Variants in MACROD2 observed in about 807,000 individuals in gnomAD.
MACROD2 encodes the protein ADP-ribose glycohydrolase MACROD2.
MACROD2 carries 36 observed loss-of-function variants against 70.4 expected under a neutral mutation model. The ratio of observed to expected loss-of-function variants is 0.51; its 90% CI spans 0.39 to 0.68. MACROD2 has a LOEUF of 0.68. Ranked by LOEUF, MACROD2 falls within the 30% of genes least tolerant of loss-of-function variation. MACROD2 has a pLI of 0.00. For synonymous variants in MACROD2, 172 were observed against 178.8 expected (o/e 0.96, Z 0.30); for missense variants, 496 against 538.4 (o/e 0.92, Z 0.78).
intron 9 of MACROD2, among the ~76,000 whole-genome samples, chr20:15,869,210 C>CATATATATATATATATATATATATAT (rs778142501): frequency 9.6e-5 from 5 of 51,908 alleles, no homozygotes; most frequent in African/African-American, 1.2e-4. Flanking sequence ...ATGTGATTAA[C>CATATATATATATATATATATATATAT]ATATATATAT....
At chr20:14,925,486 G>A (rs2423850) in intron 5 of MACROD2, among the ~76,000 whole-genome samples, 77,472 of 151,914 alleles carry the variant, frequency 0.51, 20,202 homozygotes, top group South Asian at 0.71. Context: ...TTAAAAGGCT[G>A]TTACATGTTT....
intron 6 of MACROD2, among the ~76,000 whole-genome samples, chr20:15,253,651 C>G (rs894810443): frequency 6.6e-6 from 1 of 152,152 alleles, no homozygotes. Flanking sequence ...TGAGGCCATT[C>G]CTTCCGCTGG....
intron 5 of MACROD2, among the ~76,000 whole-genome samples, chr20:15,024,877 G>T (rs1029519747): frequency 6.6e-6 from 1 of 152,184 alleles, no homozygotes; most frequent in African/African-American, 2.4e-5. Context: ...CAAGGGAAAT[G>T]AGCCCCTGTC....
chr20:15,514,403 T>C (rs1383340984), intron 8 of MACROD2, among the ~76,000 whole-genome samples: 1 of 152,228 alleles, frequency 6.6e-6, no homozygotes, highest in Non-Finnish European at 1.5e-5. Context: ...ACCTTTTCCA[T>C]GTTCAGATAT....
At chr20:15,111,837 G>A (rs1335381778) in intron 5 of MACROD2, among the ~76,000 whole-genome samples, 1 of 152,218 alleles carries the variant, frequency 6.6e-6, no homozygotes, top group Non-Finnish European at 1.5e-5. Context: ...TAACTGGGAG[G>A]TGCCCAGCTC....
At position 15,937,501 on chromosome 20, in the gene MACROD2, C is replaced by T. The variant is rs199583911; in HGVS notation, c.864C>T (p.Pro288=). 3.0e-5 allele frequency: 49 copies of T among 1,613,236 alleles called. No individual in the cohort carries two copies. Among genetic ancestry groups the T allele is most frequent in the Middle Eastern group, 1.7e-4 (1 of 6,054 alleles). The change falls in exon 12 of 18, where the codon CCC becomes CCT. Residue 288 remains proline, a synonymous_variant. Transcript: ENST00000684519. ...ATGGTGTCAACACTGTCACTGTGCC[C>T]GGCCCTGCTTCAGAAGAGGCAGTTG... ...DADGVNTVTV[P]GPASEEAVED...
chr20:14,169,768 T>C (rs189404660), intron 3 of MACROD2, among the ~76,000 whole-genome samples: 27 of 152,316 alleles, frequency 1.8e-4, no homozygotes, highest in African/African-American at 6.5e-4. Flanking sequence ...AGTCATTGAA[T>C]ACATTGTTCC....
chr20:14,868,526 C>G (rs1008689144), intron 5 of MACROD2, among the ~76,000 whole-genome samples: 1 of 151,938 alleles, frequency 6.6e-6, no homozygotes, highest in Non-Finnish European at 1.5e-5. Context: ...TAAGAAAATC[C>G]TTGTTATTTT....
chr20:15,040,635 C>T (rs1291266838), intron 5 of MACROD2, among the ~76,000 whole-genome samples: 1 of 152,124 alleles, frequency 6.6e-6, no homozygotes, highest in African/African-American at 2.4e-5. Context: ...TTTGGATTGC[C>T]AATTCCCCAT....
In MACROD2 at chr20:14,880,241, C is replaced by T. The variant is rs146431987; in HGVS notation, c.418+195282C>T. Among the ~76,000 whole-genome samples the T allele has an allele frequency of 3.9e-4, 60 of 152,260 alleles. 1 individual carries two copies. Among genetic ancestry groups the T allele is most frequent in the African/African-American group, 1.1e-3 (44 of 41,562 alleles). On this transcript the variant is annotated intron_variant, in intron 5 of 17. Coordinates refer to ENST00000684519, the MANE Select transcript of MACROD2 (RefSeq NM_001351661.2). Reference sequence around the variant, plus strand: ...GTTTTGGGGAGAGGGAGCATGGGAGCTGGGTGCTTCACTGCCAACACAGCC... The same window carrying T: ...GTTTTGGGGAGAGGGAGCATGGGAGTTGGGTGCTTCACTGCCAACACAGCC...
chr20:14,278,321 G>C (rs1400493147), intron 3 of MACROD2, among the ~76,000 whole-genome samples: 3 of 152,020 alleles, frequency 2.0e-5, no homozygotes, highest in Non-Finnish European at 4.4e-5. Context: ...CACAGTCTTT[G>C]TTCACTTTGT....
intron 8 of MACROD2, among the ~76,000 whole-genome samples, chr20:15,631,711 T>C (rs777201849): frequency 1.6e-4 from 24 of 152,340 alleles, no homozygotes; most frequent in Admixed American, 7.8e-4. Flanking sequence ...TGGAAAAGGC[T>C]GTAGAGCACT....
chr20:15,492,605 A>G (rs972291575), intron 7 of MACROD2, among the ~76,000 whole-genome samples: 1 of 152,194 alleles, frequency 6.6e-6, no homozygotes, highest in Non-Finnish European at 1.5e-5. Flanking sequence ...AATGTTGACA[A>G]TCCCTGTTCA....
intron 5 of MACROD2, among the ~76,000 whole-genome samples, chr20:14,958,022 A>G (rs1490031953): frequency 6.6e-6 from 1 of 152,126 alleles, no homozygotes; most frequent in African/African-American, 2.4e-5. Flanking sequence ...ACTCTTGTCT[A>G]GTGCTATTTG....
chr20:14,682,786 T>A (rs1301624461), intron 4 of MACROD2, among the ~76,000 whole-genome samples: 23 of 152,216 alleles, frequency 1.5e-4, no homozygotes. Flanking sequence ...TGTTAATAAT[T>A]TCATGTAATA....
intron 15 of MACROD2, among the ~76,000 whole-genome samples, chr20:16,017,136 C>T (rs976542605): frequency 6.6e-6 from 1 of 152,174 alleles, no homozygotes. Flanking sequence ...CTCTTTCCTC[C>T]AAGTTTCTTT....
At chr20:14,754,613 GT>G (rs1328232824) in intron 5 of MACROD2, among the ~76,000 whole-genome samples, 2 of 152,046 alleles carry the variant, frequency 1.3e-5, no homozygotes, top group African/African-American at 4.8e-5. Context: ...ACTGAAAATG[GT>G]GTGTAACCCT....
intron 5 of MACROD2, among the ~76,000 whole-genome samples, chr20:14,862,646 T>TATATATAAATATAA (rs1555840107): frequency 2.1e-4 from 1 of 4,782 alleles, no homozygotes; most frequent in African/African-American, 8.2e-4. Context: ...TATATAAATA[T>TATATATAAATATAA]ATATATATAA....
At chr20:14,933,515 AG>A (rs2074314443) in intron 5 of MACROD2, among the ~76,000 whole-genome samples, 3 of 152,098 alleles carry the variant, frequency 2.0e-5, no homozygotes, top group Admixed American at 2.0e-4. Flanking sequence ...ACTCAGCTCT[AG>A]AAAAGATAAG....
Sources: allele counts gnomAD v4.1 joint callset (sites outside exome capture counted in the v4.1 genomes callset), GRCh38; gene constraint gnomAD v4.1.1; transcripts MANE v1.5; gene names NCBI Gene and HGNC (gene_info 2026-07-23, HGNC 2026-07-21).